DOCK9: variants seen among roughly 807,000 people sequenced by gnomAD.
The protein encoded by DOCK9 is dedicator of cytokinesis 9, also known as dedicator of cytokinesis protein 9.
A neutral mutation model predicts 263.3 loss-of-function variants in DOCK9; 89 were observed. The observed-to-expected ratio is 0.34, with a 90% CI of 0.28 to 0.40. The LOEUF (loss-of-function observed/expected upper bound fraction) is 0.40. Among genes scored for constraint, DOCK9 ranks in the 10% least tolerant of loss-of-function variants. DOCK9 has a pLI of 1.00. For synonymous variants in DOCK9, 976 were observed against 973.1 expected (o/e 1.00, Z -0.06); for missense variants, 2,140 against 2,603.4 (o/e 0.82, Z 3.87).
rs1878491978 is a variant in DOCK9, at chr13:98,986,530, A to G, written c.130-30979T>C. 3.3e-5 allele frequency among the ~76,000 whole-genome samples: 5 copies of G among 152,368 alleles called. 1 individual carries two copies. In the South Asian group the frequency reaches 1.0e-3, roughly 32 times the overall value. On this transcript the variant is annotated intron_variant, in intron 1 of 32. Transcript: ENST00000427887. ...CATTTAGAAGACAATGACCGTGTATAGTAATAACAGCTCCCCAACAATCAT... is the reference window on the plus strand; with the variant it reads ...CATTTAGAAGACAATGACCGTGTATGGTAATAACAGCTCCCCAACAATCAT...
intron 7 of DOCK9, among the ~76,000 whole-genome samples, chr13:98,916,573 A>C (rs1477144445): frequency 6.6e-6 from 1 of 152,220 alleles, no homozygotes; most frequent in Non-Finnish European, 1.5e-5. Flanking sequence ...AGTTCTTAGA[A>C]ATGCAAAGTC....
chr13:98,995,992 G>A lies in DOCK9; in HGVS notation c.130-40441C>T, dbSNP rs112940545. ...ACGATGAGCCCAGTAGGGTAAGCACGGTGCAGATCATATTGGGCCTTGTTA... is the reference window on the plus strand; with the variant it reads ...ACGATGAGCCCAGTAGGGTAAGCACAGTGCAGATCATATTGGGCCTTGTTA... On this transcript the variant is annotated intron_variant, in intron 1 of 32. Coordinates refer to the DOCK9 transcript ENST00000427887. Among the ~76,000 whole-genome samples the A allele has an allele frequency of 3.9e-3, 591 of 152,234 alleles. 1 individual carries two copies. Among genetic ancestry groups the A allele is most frequent in the African/African-American group, 0.013 (544 of 41,548 alleles).
chr13:98,801,907 A>G (rs2090156657), intron 49 of DOCK9, among the ~76,000 whole-genome samples: 1 of 152,230 alleles, frequency 6.6e-6, no homozygotes, highest in Non-Finnish European at 1.5e-5. Context: ...ACGTACTTAT[A>G]GGCCTGTTGC....
At chr13:98,875,148 C>T (rs1211648286) in intron 27 of DOCK9, among the ~76,000 whole-genome samples, 2 of 152,184 alleles carry the variant, frequency 1.3e-5, no homozygotes, top group Non-Finnish European at 2.9e-5. Context: ...CCAAGCTGAA[C>T]GTTTTCTTTC....
At chr13:99,062,665 T>G (rs1163401604) in intron 1 of DOCK9, among the ~76,000 whole-genome samples, 1 of 152,238 alleles carries the variant, frequency 6.6e-6, no homozygotes, top group African/African-American at 2.4e-5. Flanking sequence ...TTCTGCTTTT[T>G]GTTCACTGCT....
At chr13:99,020,315 G>A (rs181223687) in intron 1 of DOCK9, among the ~76,000 whole-genome samples, 2 of 152,250 alleles carry the variant, frequency 1.3e-5, no homozygotes, top group Admixed American at 1.3e-4. Flanking sequence ...TCTGAACATT[G>A]TTTTGGTCCC....
intron 38 of DOCK9, among the ~76,000 whole-genome samples, chr13:98,840,800 C>A (rs537615093): frequency 2.0e-5 from 3 of 152,272 alleles, no homozygotes; most frequent in African/African-American, 4.8e-5. Flanking sequence ...TTTATGCAAC[C>A]AAAATTCTTG....
intron 1 of DOCK9, among the ~76,000 whole-genome samples, chr13:98,999,675 A>T (rs1310769393): frequency 6.6e-6 from 1 of 152,222 alleles, no homozygotes; most frequent in Non-Finnish European, 1.5e-5. Context: ...ATGCACAGAG[A>T]GGTTGTTTTT....
intron 44 of DOCK9, 79 bp downstream of exon 44, chr13:98,826,748 TTCC>T (rs2092557303): frequency 8.9e-7 from 1 of 1,129,152 alleles, no homozygotes; most frequent in African/African-American, 1.5e-5. Context: ...CCTTCCAATC[TTCC>T]TGAATGGCTC....
intron 2 of DOCK9, among the ~76,000 whole-genome samples, chr13:98,948,227 T>C (rs1360153409): frequency 1.3e-5 from 2 of 152,142 alleles, no homozygotes; most frequent in South Asian, 2.1e-4. Context: ...GAAAGGGAAA[T>C]AGAGTAACCA....
intron 1 of DOCK9, among the ~76,000 whole-genome samples, chr13:99,082,667 G>C (rs2042175364): frequency 1.3e-5 from 2 of 152,118 alleles, no homozygotes; most frequent in African/African-American, 4.8e-5. Flanking sequence ...GAAGTTCAGA[G>C]ACATTAAGCA....
At chr13:98,924,168 G>T (rs1335933007) in intron 4 of DOCK9, among the ~76,000 whole-genome samples, 11 of 152,214 alleles carry the variant, frequency 7.2e-5, no homozygotes, top group Middle Eastern at 3.2e-3. Context: ...CCTAAGGGAG[G>T]ATTGGGTAAA....
chr13:98,970,053 A>G (rs1438635875), intron 1 of DOCK9, among the ~76,000 whole-genome samples: 1 of 152,100 alleles, frequency 6.6e-6, no homozygotes, highest in South Asian at 2.1e-4. Context: ...GGAGTGCAGT[A>G]GCTCCACCAT....
At chr13:98,863,872 A>G (rs1037749635) in intron 30 of DOCK9, among the ~76,000 whole-genome samples, 13 of 152,226 alleles carry the variant, frequency 8.5e-5, no homozygotes, top group Non-Finnish European at 1.6e-4. Flanking sequence ...AGCATATGTT[A>G]TATTACAAAT....
intron 21 of DOCK9, 83 bp downstream of exon 21, chr13:98,884,887 CT>C: frequency 6.9e-7 from 1 of 1,451,956 alleles, no homozygotes; most frequent in East Asian, 2.4e-5. Flanking sequence ...ATACTGTTTG[CT>C]TTTTGTGTGT....
upstream of DOCK9, chr13:99,088,479 G>C (rs2042395146): frequency 6.6e-6 from 1 of 152,154 alleles, no homozygotes; most frequent in South Asian, 2.1e-4. Context: ...TCATGAGTTA[G>C]AGCCTCCCTT....
chr13:98,904,091 C>G (rs574456782), intron 10 of DOCK9, among the ~76,000 whole-genome samples: 1 of 151,950 alleles, frequency 6.6e-6, no homozygotes, highest in Non-Finnish European at 1.5e-5. Flanking sequence ...GCCACTGAAC[C>G]GTACACTTAA....
chr13:98,956,049 A>C (rs1429861561), intron 1 of DOCK9, among the ~76,000 whole-genome samples: 2 of 152,220 alleles, frequency 1.3e-5, no homozygotes, highest in Admixed American at 6.5e-5. Flanking sequence ...CTATCCCCAG[A>C]TATCTATACT....
chr13:98,829,611 A>G lies in DOCK9; in HGVS notation c.4749+32T>C, dbSNP rs770164811. 5.7e-6 allele frequency: 9 copies of G among 1,586,318 alleles called. No individual in the cohort carries two copies. In the Admixed American group the frequency reaches 1.6e-4, roughly 28 times the overall value. On this transcript the variant is annotated intron_variant, in intron 42 of 52. Transcript: ENST00000682017. The surrounding 1 kb of genome is among the most constrained non-coding windows in gnomAD (Gnocchi z 4.1). ...ACCTCAGGTGCTGATGCAGAGTCTC[A>G]GGGTGAAACTAACATGGGCCAGGCT...
Sources: allele counts gnomAD v4.1 joint callset (sites outside exome capture counted in the v4.1 genomes callset), GRCh38; gene constraint gnomAD v4.1.1; non-coding constraint Gnocchi (gnomAD v3.1); transcripts MANE v1.5; gene names NCBI Gene and HGNC (gene_info 2026-07-23, HGNC 2026-07-21).